ARAP2: variants seen among roughly 807,000 people sequenced by gnomAD.
ARAP2 encodes arf-GAP with Rho-GAP domain, ANK repeat and PH domain-containing protein 2.
Under a neutral mutation model 194.5 loss-of-function variants are expected in ARAP2, and 148 were observed. The ratio of observed to expected loss-of-function variants is 0.76; its 90% CI spans 0.67 to 0.87. The LOEUF (loss-of-function observed/expected upper bound fraction) is 0.87, where lower values mean the gene tolerates loss of function less well. Among genes scored for constraint, ARAP2 ranks in the 40% least tolerant of loss-of-function variants. ARAP2 has a pLI of 0.00. For synonymous variants in ARAP2, 695 were observed against 683.5 expected (o/e 1.02, Z -0.26); for missense variants, 2,128 against 1,989.7 (o/e 1.07, Z -1.32).
chr4:36,187,891 T>G (rs748969114), intron 7 of ARAP2, among the ~76,000 whole-genome samples: 2 of 152,228 alleles, frequency 1.3e-5, no homozygotes, highest in Non-Finnish European at 2.9e-5. Flanking sequence ...TTTAAAACAA[T>G]CTGCTCAAAA....
chr4:36,130,728 G>A lies in ARAP2; in HGVS notation c.3428-1983C>T, dbSNP rs575812008. On this transcript the variant is annotated intron_variant, in intron 20 of 32. Transcript: ENST00000303965. ...GCAAAAATTATGTCTTATTTTCTGT[G>A]ACATATCTCTGTATATATCCGGCAG... Among the ~76,000 whole-genome samples, 4 of 151,890 alleles carry A rather than the reference G, an allele frequency of 2.6e-5. No homozygotes were observed. In the South Asian group the frequency reaches 8.3e-4, roughly 32 times the overall value.
At chr4:36,168,558 C>A (rs575737478) in intron 9 of ARAP2, among the ~76,000 whole-genome samples, 1 of 152,106 alleles carries the variant, frequency 6.6e-6, no homozygotes, top group South Asian at 2.1e-4. Flanking sequence ...ATAACAAATG[C>A]CCCCCAACTT....
chr4:36,111,160 A>AT (rs1283715874), intron 26 of ARAP2, among the ~76,000 whole-genome samples: 2 of 151,812 alleles, frequency 1.3e-5, no homozygotes, highest in African/African-American at 2.4e-5. Flanking sequence ...TCATTCATTC[A>AT]TTTTTTTACT....
At chr4:36,102,261 C>T (rs1383350164) in intron 27 of ARAP2, among the ~76,000 whole-genome samples, 1 of 151,966 alleles carries the variant, frequency 6.6e-6, no homozygotes, top group Non-Finnish European at 1.5e-5. Context: ...CACTCCCAAC[C>T]AGCAAGCTCT....
At chr4:36,019,791 C>G (rs1487180199) in intron 5 of ARAP2, among the ~76,000 whole-genome samples, 1 of 152,020 alleles carries the variant, frequency 6.6e-6, no homozygotes, top group Non-Finnish European at 1.5e-5. Flanking sequence ...AAAGGTGTCA[C>G]TGGGTGTTAT....
intron 27 of ARAP2, 80 bp from the exon 28 acceptor site, chr4:36,092,100 T>C: frequency 1.5e-6 from 2 of 1,375,250 alleles, no homozygotes; most frequent in South Asian, 3.6e-5. Flanking sequence ...TTCTATATTG[T>C]CATATAGAAA....
chr4:36,024,894 T>C (rs1290400061), intron 5 of ARAP2, among the ~76,000 whole-genome samples: 1 of 152,188 alleles, frequency 6.6e-6, no homozygotes. Flanking sequence ...CAAAATTAAC[T>C]TTCTGCTAGT....
chr4:36,149,789 C>G (rs1340317662), intron 16 of ARAP2, among the ~76,000 whole-genome samples: 1 of 152,038 alleles, frequency 6.6e-6, no homozygotes, highest in East Asian at 1.9e-4. Context: ...AAAATCAAAT[C>G]AGATTTACTA....
At chr4:36,138,015 C>T (rs549051093) in intron 19 of ARAP2, among the ~76,000 whole-genome samples, 2 of 151,730 alleles carry the variant, frequency 1.3e-5, no homozygotes, top group Non-Finnish European at 2.9e-5. Flanking sequence ...TGTACACTTA[C>T]ATTCTGCCTT....
At chr4:36,147,464 C>G in intron 18 of ARAP2, 84 bp downstream of exon 18, 1 of 1,550,820 alleles carries the variant, frequency 6.4e-7, no homozygotes, top group South Asian at 1.1e-5. Context: ...TGGGAGTAAG[C>G]CATCAAGATC....
chr4:36,128,623 C>G lies in ARAP2; in HGVS notation c.3550G>C (p.Asp1184His), dbSNP rs1341874544. The G allele has an allele frequency of 1.9e-5, 30 of 1,612,902 alleles. No homozygotes were observed. Among genetic ancestry groups the G allele is most frequent in the Admixed American group, 5.0e-5 (3 of 59,806 alleles). Reference sequence around the variant, plus strand: ...AAACTTTTCAACACAGCCGTCACATCTTCAAGCTGATGTTTTCCAGCCCTC... The same window carrying G: ...AAACTTTTCAACACAGCCGTCACATGTTCAAGCTGATGTTTTCCAGCCCTC... ...KLRAGKHQLE[D>H]VTAVLKSFLS... Residue 1184 changes from aspartate (D) to histidine (H), a missense_variant, in exon 21 of 33, where the codon GAT becomes CAT. By Grantham distance (81) the Asp-to-His change is moderately conservative. Transcript: ENST00000303965.
chr4:36,122,779 A>G (rs984998463), intron 22 of ARAP2, among the ~76,000 whole-genome samples: 59 of 151,638 alleles, frequency 3.9e-4, no homozygotes, highest in African/African-American at 1.3e-3. Context: ...AACCAAAACA[A>G]CTCCCTGAAG....
At chr4:36,038,024 C>T (rs2109219085) in intron 5 of ARAP2, among the ~76,000 whole-genome samples, 1 of 152,270 alleles carries the variant, frequency 6.6e-6, no homozygotes, top group Non-Finnish European at 1.5e-5. Flanking sequence ...TGTGTCTTCT[C>T]CTTCGGCCAC....
chr4:36,019,511 A>C (rs148678877), intron 5 of ARAP2, among the ~76,000 whole-genome samples: 3 of 149,296 alleles, frequency 2.0e-5, no homozygotes, highest in Non-Finnish European at 4.4e-5. Flanking sequence ...ACCTGGAACA[A>C]TATCGGATAC....
chr4:36,119,809 C>T (rs544385395), intron 23 of ARAP2, 91 bp from the exon 24 acceptor site: 34 of 858,916 alleles, frequency 4.0e-5, no homozygotes, highest in Admixed American at 3.2e-4. Context: ...AATTTAAATA[C>T]TAACAACTTA....
chr4:36,183,323 T>C (rs956943879), intron 8 of ARAP2, among the ~76,000 whole-genome samples: 1 of 152,018 alleles, frequency 6.6e-6, no homozygotes, highest in Non-Finnish European at 1.5e-5. Flanking sequence ...TCCATATCAG[T>C]ATCAGAGCTG....
intron 9 of ARAP2, among the ~76,000 whole-genome samples, chr4:36,169,161 G>A (rs1464345754): frequency 6.6e-6 from 1 of 152,084 alleles, no homozygotes; most frequent in Non-Finnish European, 1.5e-5. Flanking sequence ...ATAAACTTTA[G>A]AATAAATAAA....
intron 20 of ARAP2, among the ~76,000 whole-genome samples, chr4:36,129,169 C>T (rs1050100204): frequency 6.6e-6 from 1 of 151,942 alleles, no homozygotes; most frequent in African/African-American, 2.4e-5. Context: ...CCCATCTTCA[C>T]CTTATTTCCA....
chr4:36,200,666 C>T (rs1280193569), intron 6 of ARAP2, among the ~76,000 whole-genome samples: 2 of 152,200 alleles, frequency 1.3e-5, no homozygotes, highest in Non-Finnish European at 2.9e-5. Flanking sequence ...TCCTGTGCTT[C>T]TAACTGCCCA....
Sources: gnomAD v4.1 joint callset for allele counts (sites outside exome capture counted in the v4.1 genomes callset) on GRCh38, gnomAD v4.1.1 for gene constraint, MANE v1.5 for transcripts, NCBI Gene and HGNC (gene_info 2026-07-23, HGNC 2026-07-21) for gene names.